Variants in ZBP1 observed in about 807,000 individuals in gnomAD.
ZBP1 encodes Z-DNA-binding protein 1.
In ZBP1, 42 loss-of-function variants were observed where a neutral mutation model predicts 41.1. The ratio of observed to expected loss-of-function variants is 1.02; its 90% CI spans 0.80 to 1.32. ZBP1 has a LOEUF of 1.32. Ranked by LOEUF, ZBP1 falls within the 40% of genes most tolerant of loss-of-function variation. The probability of loss-of-function intolerance (pLI) is 0.00; values close to 1 mark genes in which losing one functional copy is unlikely to be tolerated. For synonymous variants in ZBP1, 214 were observed against 205.2 expected, an observed-to-expected ratio of 1.04 and a Z score of -0.37; for missense variants, 562 against 549.7, an observed-to-expected ratio of 1.02 and a Z score of -0.22.
intron 1 of ZBP1, chr20:57,617,854 G>GGAA (rs772095009): frequency 1.7e-4 from 22 of 132,658 alleles, no homozygotes; most frequent in African/African-American, 5.9e-4. Context: ...CCCATCTCTG[G>GGAA]AAAAAAAAAA....
At position 57,604,747 on chromosome 20, in the gene ZBP1, T is replaced by C; in HGVS notation, c.1116A>G (p.Gln372=). The C allele has an allele frequency of 6.2e-7, 1 of 1,613,980 alleles. No individual in the cohort carries two copies. The highest frequency in any genetic ancestry group is 8.5e-7 in the Non-Finnish European group (1 of 1,179,934). ...TGTCTCGAGGAAAGTGACTTCTGGA[T>C]TGTGTGTCTGCGGGACGACGACCTA... The part of the protein sequence containing the change: ...EDAGRRPADT[Q]SRSHFPRDIG... Residue 372 remains glutamine, a synonymous_variant, in exon 8 of 8, where the codon CAA becomes CAG. Coordinates refer to ENST00000371173, the MANE Select transcript of ZBP1 (RefSeq NM_030776.3).
At position 57,615,833 on chromosome 20, in the gene ZBP1, C is replaced by T. The variant is rs2070808907; in HGVS notation, c.260-253G>A. ...TGTGAGGGCTGGGTGAACCCCAAAACAGTGCCTGGCTAATCTTAAGTGCAT... is the reference window on the plus strand; with the variant it reads ...TGTGAGGGCTGGGTGAACCCCAAAATAGTGCCTGGCTAATCTTAAGTGCAT... On this transcript the variant is annotated intron_variant, in intron 2 of 7. Coordinates refer to ENST00000371173, the MANE Select transcript of ZBP1 (RefSeq NM_030776.3). 3 of 546,830 alleles carry T rather than the reference C, an allele frequency of 5.5e-6. No individual in the cohort carries two copies. In the East Asian group the frequency reaches 9.6e-5, roughly 17 times the overall value. The allele number at this position is 546,830 out of a possible 1,614,324, so 33.9% of individuals were successfully genotyped here. A position where few individuals can be genotyped will look rare whatever the true frequency, so the allele number is the denominator to read the frequency against.
rs767541414 is a variant in ZBP1, at chr20:57,604,681, G to T, written c.1182C>A (p.Pro394=). 8 of 1,614,192 alleles carry T rather than the reference G, an allele frequency of 5.0e-6. No individual in the cohort carries two copies. The highest frequency in any genetic ancestry group is 6.8e-6 in the Non-Finnish European group (8 of 1,180,038). Residue 394 remains proline, a synonymous_variant, in exon 8 of 8, where the codon CCC becomes CCA. Coordinates refer to ENST00000371173, the MANE Select transcript of ZBP1 (RefSeq NM_030776.3). ...TTCCAAGAGTCATAGTTTCCAGCTT[G>T]GGGGTGAGCTTCGAGTGGCTGGGAG... is the stretch of plus-strand genomic sequence containing the variant. ...PITPSHSKLT[P]KLETMTLGNR... is the part of the protein sequence containing the mutation.
intron 2 of ZBP1, chr20:57,615,881 C>CT: frequency 1.9e-6 from 1 of 530,148 alleles, no homozygotes; most frequent in South Asian, 2.5e-5. Flanking sequence ...CTCCTTCTGG[C>CT]TGTGGGCTGT....
Position 57,610,132 on chromosome 20 carries a change from T to C in ZBP1, c.1093+17A>G. On this transcript the variant is annotated intron_variant, in intron 7 of 7. Coordinates refer to ENST00000371173, the MANE Select transcript of ZBP1 (RefSeq NM_030776.3). The surrounding 1 kb of genome is among the most constrained non-coding windows in gnomAD (Gnocchi z 5.5). ...AGAGAGAGAACACACAGGGGTCCACTCTGCCCCCTAGCTCACCTGCGTCCT... is the reference window on the plus strand; with the variant it reads ...AGAGAGAGAACACACAGGGGTCCACCCTGCCCCCTAGCTCACCTGCGTCCT... 1 of 1,607,704 alleles carries C rather than the reference T, an allele frequency of 6.2e-7. No homozygotes were observed. The highest frequency in any genetic ancestry group is 8.5e-7 in the Non-Finnish European group (1 of 1,175,124).
chr20:57,610,252 C>T lies in ZBP1; in HGVS notation c.990G>A (p.Glu330=), dbSNP rs2146567802. The change falls in exon 7 of 8, where the codon GAG becomes GAA. Residue 330 remains glutamate, a synonymous_variant. Transcript: ENST00000371173. This position sits in a 1 kb window ranked among gnomAD's most constrained non-coding sequence, Gnocchi z 5.5. ...TGTTGCTGTTGCCGATGGTGGCGTC[C>T]TCGAGAAAGCACGATTTCATGTGGA... is the stretch of plus-strand genomic sequence containing the variant. ...QRIHMKSCFL[E]DATIGNSNKM... 2 of 1,614,220 alleles carry T rather than the reference C, an allele frequency of 1.2e-6. No homozygotes were observed. Among genetic ancestry groups the T allele is most frequent in the Middle Eastern group, 1.6e-4 (1 of 6,062 alleles).
At position 57,610,434 on chromosome 20, in the gene ZBP1, C is replaced by T. The variant is rs1256771486; in HGVS notation, c.875-67G>A. On this transcript the variant is annotated intron_variant, in intron 6 of 7. Transcript: ENST00000371173. This position sits in a 1 kb window ranked among gnomAD's most constrained non-coding sequence, Gnocchi z 5.5. ...GGACAGTGGCCGGGAACCCTGACCC[C>T]CAGCCTGGTTCACCCTCCTCCCCAG... is the stretch of plus-strand genomic sequence containing the variant. The T allele has an allele frequency of 1.3e-6, 2 of 1,562,882 alleles. No homozygotes were observed. Among genetic ancestry groups the T allele is most frequent in the Non-Finnish European group, 1.8e-6 (2 of 1,137,838 alleles).
chr20:57,613,321 C>T lies in ZBP1; in HGVS notation c.512G>A (p.Gly171Glu), dbSNP rs1414182041. 6.2e-7 allele frequency: 1 copy of T among 1,613,268 alleles called. No individual in the cohort carries two copies. Among genetic ancestry groups the T allele is most frequent in the Non-Finnish European group, 8.5e-7 (1 of 1,179,994 alleles). The change falls in exon 5 of 8, where the codon GGA becomes GAA. Residue 171 changes from glycine to glutamate, a missense_variant. By Grantham distance (98) the Gly-to-Glu change is moderately conservative (BLOSUM62 -2). Transcript: ENST00000371173. The surrounding 1 kb of genome is among the most constrained non-coding windows in gnomAD (Gnocchi z 4.5). ...AATTGAGGCTGACTTTGCTCTTCTT[C>T]CAGAATCTTCTGCAAAATAATATTC... ...AWTIYRPEDS[G>E]RRAKSASIIY...
chr20:57,606,183 A>G (rs116507307), intron 7 of ZBP1, among the ~76,000 whole-genome samples: 2,453 of 152,380 alleles, frequency 0.016, 52 homozygotes, highest in African/African-American at 0.056. Context: ...TGAGAAAGTG[A>G]ACCAGCCTTG....
intron 7 of ZBP1, among the ~76,000 whole-genome samples, chr20:57,609,364 C>A (rs563139757): frequency 6.6e-6 from 1 of 152,322 alleles, no homozygotes; most frequent in South Asian, 2.1e-4. Context: ...CCTCTCCCCT[C>A]TTCCTGTTGG....
chr20:57,620,219 C>G, intron 1 of ZBP1, 43 bp downstream of exon 1: 1 of 1,560,724 alleles, frequency 6.4e-7, no homozygotes, highest in Middle Eastern at 1.7e-4. Context: ...GAAATCTCAC[C>G]CCGGGAGCTA....
intron 5 of ZBP1, among the ~76,000 whole-genome samples, chr20:57,612,271 G>A (rs1425138830): frequency 2.0e-5 from 3 of 151,988 alleles, no homozygotes; most frequent in Admixed American, 6.6e-5. Context: ...AGAGCCTCCC[G>A]CAGTGTTTTA....
At chr20:57,618,578 G>C (rs994078124) in intron 1 of ZBP1, among the ~76,000 whole-genome samples, 2 of 152,130 alleles carry the variant, frequency 1.3e-5, no homozygotes, top group African/African-American at 4.8e-5. Flanking sequence ...GTCTCGCAGA[G>C]TTTTTTGTTT....
intron 2 of ZBP1, 168 bp downstream of exon 2, chr20:57,616,076 C>T (rs1324885088): frequency 8.7e-6 from 6 of 689,586 alleles, no homozygotes; most frequent in Non-Finnish European, 1.5e-5. Flanking sequence ...CCAAGCAGCC[C>T]TGCTGTGAGC....
Position 57,609,364 on chromosome 20 carries a change from C to T in ZBP1, c.1093+785G>A, listed in dbSNP as rs563139757. Among the ~76,000 whole-genome samples the T allele has an allele frequency of 9.8e-5, 15 of 152,322 alleles. 1 individual carries two copies. In the South Asian group the frequency reaches 3.1e-3, roughly 32 times the overall value. ...ACCGCACTGGTTTCCCCTCTCCCCTCTTCCTGTTGGCAGTGGAGCCCCCTC... is the reference window on the plus strand; with the variant it reads ...ACCGCACTGGTTTCCCCTCTCCCCTTTTCCTGTTGGCAGTGGAGCCCCCTC... On this transcript the variant is annotated intron_variant, in intron 7 of 7. Coordinates refer to ENST00000371173, the MANE Select transcript of ZBP1 (RefSeq NM_030776.3).
rs369869261 is a variant in ZBP1 at position 57,616,845 on chromosome 20, G to A, written c.35-377C>T. On this transcript the variant is annotated intron_variant, in intron 1 of 7. Coordinates refer to ENST00000371173, the MANE Select transcript of ZBP1 (RefSeq NM_030776.3). ...CAGAGGGAGGCAGGGGGACCTGGGA[G>A]CGCAAAGGCAAGTCCTGCCTGGGAC... 3 of 264,354 alleles carry A rather than the reference G, an allele frequency of 1.1e-5. No homozygotes were observed. The South Asian group carries it at 1.3e-4, about 12-fold the overall frequency. The allele number at this position is 264,354 out of a possible 1,614,324, so 16.4% of individuals were successfully genotyped here.
intron 1 of ZBP1, 188 bp from the exon 2 acceptor site, chr20:57,616,656 G>A (rs2070842620): frequency 1.3e-5 from 8 of 620,538 alleles, no homozygotes; most frequent in Non-Finnish European, 2.0e-5. Context: ...CCAGAGGGAG[G>A]CATGCAGGCT....
chr20:57,620,202 A>T (rs931325698), intron 1 of ZBP1, 60 bp downstream of exon 1: 39 of 1,537,858 alleles, frequency 2.5e-5, no homozygotes, highest in Non-Finnish European at 3.3e-5. Flanking sequence ...AGGAGGAAAG[A>T]GAAGTAGAAA....
At position 57,610,078 on chromosome 20, in the gene ZBP1, G is replaced by A; in HGVS notation, c.1093+71C>T. 1 of 1,450,152 alleles carries A rather than the reference G, an allele frequency of 6.9e-7. No individual in the cohort carries two copies. Among genetic ancestry groups the A allele is most frequent in the Non-Finnish European group, 9.6e-7 (1 of 1,041,450 alleles). 89.8% of individuals were successfully genotyped at this position (1,450,152 alleles called of 1,614,324 possible). A position where few individuals can be genotyped will look rare whatever the true frequency, so the allele number is the denominator to read the frequency against. ...AGATTAGCGAATGATCGATGAGAGT[G>A]AATGAATGAATGAGTGGAAGGTGGG... On this transcript the variant is annotated intron_variant, in intron 7 of 7. Coordinates refer to ENST00000371173, the MANE Select transcript of ZBP1 (RefSeq NM_030776.3). This position sits in a 1 kb window ranked among gnomAD's most constrained non-coding sequence, Gnocchi z 5.5.
Sources: allele counts gnomAD v4.1 joint callset (sites outside exome capture counted in the v4.1 genomes callset), GRCh38; gene constraint gnomAD v4.1.1; non-coding constraint Gnocchi (gnomAD v3.1); transcripts MANE v1.5; gene names NCBI Gene and HGNC (gene_info 2026-07-23, HGNC 2026-07-21).